The following CACNA1C variants were observed in gnomAD, a reference collection of about 807,000 sequenced individuals.
CACNA1C encodes calcium voltage-gated channel subunit alpha1 C.
CACNA1C carries 30 observed loss-of-function variants against 229.0 expected under a neutral mutation model. The observed-to-expected ratio is 0.13, with a 90% confidence interval of 0.10 to 0.18. The LOEUF (loss-of-function observed/expected upper bound fraction) is 0.18, where lower values mean the gene tolerates loss of function less well. Among genes scored for constraint, CACNA1C ranks in the 10% least tolerant of loss-of-function variants. The pLI is 1.00. For synonymous variants in CACNA1C, 1,114 were observed against 1,132.5 expected (o/e 0.98, Z 0.33); for missense variants, 1,658 against 2,845.0 (o/e 0.58, Z 9.49).
rs551419313 is a variant in CACNA1C at position 2,043,902 on chromosome 12, G to A, written c.140-71322G>A. Among the ~76,000 whole-genome samples, 24 of 151,516 alleles carry A rather than the reference G, an allele frequency of 1.6e-4. No homozygotes were observed. In the South Asian group the frequency reaches 4.4e-3, roughly 28 times the overall value. ...GATCTCCTGACCTCATGATCCACCC[G>A]CCTCGGCCTCCCAAAGTGCTGGGAT... On this transcript the variant is annotated intron_variant, in intron 1 of 46. Transcript: ENST00000682462.
chr12:2,294,343 C>T (rs1194300425), intron 3 of CACNA1C, among the ~76,000 whole-genome samples: 1 of 151,650 alleles, frequency 6.6e-6, no homozygotes, highest in Non-Finnish European at 1.5e-5. Flanking sequence ...TACGGTTGTG[C>T]TTGGGGAGCC....
intron 10 of CACNA1C, among the ~76,000 whole-genome samples, chr12:2,556,162 T>C (rs2044146416): frequency 6.6e-6 from 1 of 152,146 alleles, no homozygotes; most frequent in Non-Finnish European, 1.5e-5. Flanking sequence ...CAGCCTTCTC[T>C]CCTCCACACT....
chr12:2,599,211 T>C (rs1332071954), intron 21 of CACNA1C, among the ~76,000 whole-genome samples: 1 of 152,212 alleles, frequency 6.6e-6, no homozygotes, highest in African/African-American at 2.4e-5. Flanking sequence ...CCCCTCCCTC[T>C]TCTACTTTCT....
chr12:2,156,223 T>G (rs1397093537), intron 3 of CACNA1C, among the ~76,000 whole-genome samples: 1 of 152,204 alleles, frequency 6.6e-6, no homozygotes, highest in African/African-American at 2.4e-5. Context: ...TGTTTCTGGA[T>G]TGATGGTAGT....
At chr12:2,578,060 G>A (rs2059157660) in intron 13 of CACNA1C, among the ~76,000 whole-genome samples, 2 of 151,740 alleles carry the variant, frequency 1.3e-5, no homozygotes, top group Admixed American at 1.3e-4. Flanking sequence ...AGTAGAGACG[G>A]GGTTTCACCG....
At chr12:2,018,369 A>C (rs1022372820) in intron 1 of CACNA1C, 1 of 152,232 alleles carries the variant, frequency 6.6e-6, no homozygotes. Flanking sequence ...TAATTTATTT[A>C]GTTGTAAGTT....
At chr12:2,642,585 A>T (rs1196233566) in intron 30 of CACNA1C, among the ~76,000 whole-genome samples, 1 of 152,098 alleles carries the variant, frequency 6.6e-6, no homozygotes, top group Non-Finnish European at 1.5e-5. Flanking sequence ...ACTTACTCTC[A>T]TATTTGGTGC....
chr12:2,542,944 G>A (rs2099875086), intron 9 of CACNA1C, among the ~76,000 whole-genome samples: 1 of 152,204 alleles, frequency 6.6e-6, no homozygotes, highest in South Asian at 2.1e-4. Context: ...AAAATGCAAT[G>A]ATGTTAGCCA....
At chr12:2,124,128 G>C (rs1162180076) in intron 3 of CACNA1C, among the ~76,000 whole-genome samples, 2 of 148,680 alleles carry the variant, frequency 1.3e-5, no homozygotes, top group Non-Finnish European at 2.9e-5. Context: ...GTGTGTGTGT[G>C]TGTGTGTGTG....
chr12:2,045,163 C>T lies in CACNA1C; in HGVS notation c.140-70061C>T, dbSNP rs147725861. ...TCTGATGGCCAAATAAATGTGTTTA[C>T]TCTTAGGACCGTGTTTTGAAAATGA... is the stretch of plus-strand genomic sequence containing the variant. On this transcript the variant is annotated intron_variant, in intron 1 of 46. Coordinates refer to the CACNA1C transcript ENST00000682462. 5.6e-3 allele frequency among the ~76,000 whole-genome samples: 856 copies of T among 152,250 alleles called. 12 individuals carry two copies. The highest frequency in any genetic ancestry group is 0.035 in the South Asian group (168 of 4,810).
intron 3 of CACNA1C, among the ~76,000 whole-genome samples, chr12:2,342,628 G>A (rs940072917): frequency 2.0e-5 from 3 of 152,130 alleles, no homozygotes; most frequent in African/African-American, 7.2e-5. Context: ...AGATAGATTC[G>A]CCTGGATGAA....
chr12:2,299,161 CT>C (rs1192755865), intron 3 of CACNA1C, among the ~76,000 whole-genome samples: 7 of 152,296 alleles, frequency 4.6e-5, no homozygotes, highest in African/African-American at 1.7e-4. Flanking sequence ...AAAAAGACAA[CT>C]TTATGCGCTA....
At chr12:2,497,509 G>A (rs773540375) in intron 7 of CACNA1C, among the ~76,000 whole-genome samples, 1 of 152,072 alleles carries the variant, frequency 6.6e-6, no homozygotes, top group Non-Finnish European at 1.5e-5. Context: ...TAATTCATCA[G>A]GAGCATTCTG....
At chr12:2,301,109 C>T (rs1027605834) in intron 3 of CACNA1C, among the ~76,000 whole-genome samples, 1 of 152,144 alleles carries the variant, frequency 6.6e-6, no homozygotes, top group Non-Finnish European at 1.5e-5. Context: ...GGCATCTGCC[C>T]AGGAAGCCAC....
At position 2,581,695 on chromosome 12, in the gene CACNA1C, C is replaced by T; in HGVS notation, c.2001C>T (p.Leu667=). ...TCCTCTTCATCATCATCTTCTCCCTCCTGGGGATGCAGCTCTTTGGAGGAA... is the reference window on the plus strand; with the variant it reads ...TCCTCTTCATCATCATCTTCTCCCTTCTGGGGATGCAGCTCTTTGGAGGAA... ...LLFLFIIIFS[L]LGMQLFGGKF... The change falls in exon 14 of 47, where the codon CTC becomes CTT. Residue 667 remains leucine, a synonymous_variant. Transcript: ENST00000399655. 1.2e-6 allele frequency: 2 copies of T among 1,613,088 alleles called. No individual in the cohort carries two copies. Among genetic ancestry groups the T allele is most frequent in the Non-Finnish European group, 1.7e-6 (2 of 1,179,456 alleles).
intron 38 of CACNA1C, among the ~76,000 whole-genome samples, chr12:2,670,244 C>T (rs2096484558): frequency 1.3e-5 from 2 of 152,318 alleles, no homozygotes; most frequent in South Asian, 4.1e-4. Flanking sequence ...TCCTACACTT[C>T]CAGCTTAAAG....
At chr12:2,631,115 C>A (rs1162925383) in intron 29 of CACNA1C, among the ~76,000 whole-genome samples, 3 of 152,304 alleles carry the variant, frequency 2.0e-5, no homozygotes, top group Non-Finnish European at 4.4e-5. Flanking sequence ...CAACACCAAA[C>A]CTTTGCTCTG....
At chr12:2,603,461 A>G (rs1161314515) in intron 22 of CACNA1C, 1 of 152,274 alleles carries the variant, frequency 6.6e-6, no homozygotes, top group Non-Finnish European at 1.5e-5. Context: ...TCCCAAGACA[A>G]GTATGAGGCT....
chr12:1,984,778 TAAAA>T (rs764705302), intron 1 of CACNA1C, among the ~76,000 whole-genome samples: 3 of 81,334 alleles, frequency 3.7e-5, no homozygotes, highest in Admixed American at 1.5e-4. Flanking sequence ...GGTCTTCTGG[TAAAA>T]AAAAAAAAAA....
Sources: allele counts gnomAD v4.1 joint callset (sites outside exome capture counted in the v4.1 genomes callset), GRCh38; gene constraint gnomAD v4.1.1; transcripts MANE v1.5; gene names NCBI Gene and HGNC (gene_info 2026-07-23, HGNC 2026-07-21).